The following LMBRD2 variants were observed in gnomAD, a reference collection of about 807,000 sequenced individuals.
LMBRD2 encodes LMBR1 domain containing 2, also known as G protein-coupled receptor-associated protein LMBRD2.
A neutral mutation model predicts 94.4 loss-of-function variants in LMBRD2; 55 were observed. That is an observed-to-expected ratio of 0.58 (90% CI 0.47 to 0.73). The LOEUF is 0.73. Among genes scored for constraint, LMBRD2 ranks in the 30% least tolerant of loss-of-function variants. LMBRD2 has a pLI of 0.00. For synonymous variants in LMBRD2, 246 were observed against 272.4 expected (o/e 0.90, Z 0.95); for missense variants, 640 against 831.9 (o/e 0.77, Z 2.84).
chr5:36,110,966 A>T (rs556525168), intron 14 of LMBRD2, among the ~76,000 whole-genome samples, 189 bp downstream of exon 14: 1 of 152,222 alleles, frequency 6.6e-6, no homozygotes, highest in African/African-American at 2.4e-5. Flanking sequence ...CCGATAAAAC[A>T]ATTATTCATG....
chr5:36,114,376 G>A (rs1400544553), intron 13 of LMBRD2, 48 bp downstream of exon 13: 1 of 1,524,492 alleles, frequency 6.6e-7, no homozygotes, highest in South Asian at 1.3e-5. Context: ...AAAGAGAAAG[G>A]ATATCCAGAT....
chr5:36,135,398 C>T (rs146365220), intron 6 of LMBRD2, among the ~76,000 whole-genome samples: 8 of 152,188 alleles, frequency 5.3e-5, no homozygotes, highest in Non-Finnish European at 8.8e-5. Context: ...GTTTGAGGAA[C>T]GAAAGTTGAG....
At chr5:36,147,779 A>G in intron 1 of LMBRD2, 1 of 301,176 alleles carries the variant, frequency 3.3e-6, no homozygotes, top group Non-Finnish European at 6.6e-6. Context: ...TAGTTTGAAG[A>G]ATTCCAAATG....
intron 4 of LMBRD2, among the ~76,000 whole-genome samples, chr5:36,137,733 T>G (rs931499977): frequency 6.6e-6 from 1 of 151,984 alleles, no homozygotes; most frequent in Non-Finnish European, 1.5e-5. Flanking sequence ...ACACGGAGAA[T>G]GGATAAAAGG....
At chr5:36,146,115 T>A (rs1309789736) in intron 1 of LMBRD2, among the ~76,000 whole-genome samples, 1 of 152,190 alleles carries the variant, frequency 6.6e-6, no homozygotes, top group African/African-American at 2.4e-5. Context: ...GAATTATGGA[T>A]CCTTTATTCT....
chr5:36,109,863 T>G, intron 15 of LMBRD2, 82 bp downstream of exon 15: 1 of 1,022,898 alleles, frequency 9.8e-7, no homozygotes, highest in Admixed American at 2.2e-5. Context: ...TGTCTTTAGC[T>G]AATTATTCCA....
intron 16 of LMBRD2, 30 bp downstream of exon 16, chr5:36,108,504 T>C: frequency 8.3e-7 from 1 of 1,198,866 alleles, no homozygotes; most frequent in South Asian, 1.4e-5. Flanking sequence ...GAAAACAATT[T>C]CCAAGTGAAC....
At chr5:36,127,785 T>C (rs1334843727) in intron 6 of LMBRD2, among the ~76,000 whole-genome samples, 1 of 152,126 alleles carries the variant, frequency 6.6e-6, no homozygotes, top group African/African-American at 2.4e-5. Context: ...AGGCCCTAGC[T>C]CCCAGATGGC....
At position 36,099,203 on chromosome 5, in the gene LMBRD2, G is replaced by T. The variant is rs531283575; in HGVS notation, c.*4843C>A. On this transcript the variant is annotated 3_prime_UTR_variant, in exon 18 of 18. Coordinates refer to ENST00000296603, the MANE Select transcript of LMBRD2 (RefSeq NM_001007527.2). The stretch of plus-strand genomic sequence containing the variant: ...AAATAGGTCTGGGCAGAACTTATTT[G>T]AGATAGATTTTAAAACTATTTAAAA... The T allele has an allele frequency of 1.3e-5, 2 of 152,146 alleles. No individual in the cohort carries two copies. Among genetic ancestry groups the T allele is most frequent in the East Asian group, 3.9e-4 (2 of 5,184 alleles). 9.4% of individuals were successfully genotyped at this position (152,146 alleles called of 1,614,324 possible).
rs554458613 is a variant in LMBRD2 at position 36,119,033 on chromosome 5, T to C, written c.1121-1117A>G. On this transcript the variant is annotated intron_variant, in intron 9 of 17. Coordinates refer to ENST00000296603, the MANE Select transcript of LMBRD2 (RefSeq NM_001007527.2). ...GTCTGAATTTAGGTATAAATAAAAA[T>C]TTAAAAAAGAAAGCTCAATAAATTA... 2.0e-5 allele frequency among the ~76,000 whole-genome samples: 3 copies of C among 152,258 alleles called. No individual in the cohort carries two copies. The East Asian group carries it at 5.8e-4, about 29-fold the overall frequency.
chr5:36,122,587 G>T, intron 8 of LMBRD2, 124 bp from the exon 9 acceptor site: 4 of 905,078 alleles, frequency 4.4e-6, no homozygotes, highest in Non-Finnish European at 6.7e-6. Context: ...ACTGGGTCAG[G>T]CTGAGAATAT....
At chr5:36,106,784 G>A (rs899890340) in intron 16 of LMBRD2, among the ~76,000 whole-genome samples, 11 of 151,894 alleles carry the variant, frequency 7.2e-5, no homozygotes, top group African/African-American at 2.2e-4. Flanking sequence ...ATAAGCCACC[G>A]CGCCTGGCCC....
intron 11 of LMBRD2, among the ~76,000 whole-genome samples, chr5:36,115,607 T>C (rs535399195): frequency 6.6e-6 from 1 of 152,222 alleles, no homozygotes; most frequent in East Asian, 1.9e-4. Flanking sequence ...TAATTGGGGC[T>C]GGGGAGAATA....
chr5:36,107,728 T>C (rs1743505435), intron 16 of LMBRD2, among the ~76,000 whole-genome samples: 1 of 152,226 alleles, frequency 6.6e-6, no homozygotes, highest in Admixed American at 6.5e-5. Context: ...GATATGGATA[T>C]GCCACAGAGG....
chr5:36,114,657 A>C, intron 12 of LMBRD2, 136 bp from the exon 13 acceptor site: 1 of 1,084,850 alleles, frequency 9.2e-7, no homozygotes, highest in Non-Finnish European at 1.2e-6. Flanking sequence ...AAAGCAGTAA[A>C]TGGACTTATT....
chr5:36,131,256 G>A lies in LMBRD2; in HGVS notation c.747+5053C>T, dbSNP rs188667048. Among the ~76,000 whole-genome samples, 22 of 152,206 alleles carry A rather than the reference G, an allele frequency of 1.4e-4. 1 individual carries two copies. Among genetic ancestry groups the A allele is most frequent in the Admixed American group, 1.3e-3 (20 of 15,280 alleles). ...AAGCCATATGAGCATTCCTATTGAT[G>A]CTGAGAAAGCATTGATAAAATTCGG... On this transcript the variant is annotated intron_variant, in intron 6 of 17. Coordinates refer to ENST00000296603, the MANE Select transcript of LMBRD2 (RefSeq NM_001007527.2).
chr5:36,148,097 G>T (rs1744595451), intron 1 of LMBRD2: 1 of 190,462 alleles, frequency 5.3e-6, no homozygotes, highest in South Asian at 8.5e-5. Flanking sequence ...AATTAGAAGT[G>T]AATGATTAAG....
intron 16 of LMBRD2, among the ~76,000 whole-genome samples, chr5:36,105,639 AGCACTAGCCAACATCG>A (rs1486784092): frequency 6.6e-6 from 1 of 152,240 alleles, no homozygotes; most frequent in African/African-American, 2.4e-5. Context: ...GAGTATGGGT[AGCACTAGCCAACATCG>A]GCACTAGCCG....
chr5:36,136,120 G>T (rs1744263526), intron 6 of LMBRD2, among the ~76,000 whole-genome samples, 189 bp downstream of exon 6: 1 of 152,178 alleles, frequency 6.6e-6, no homozygotes, highest in Non-Finnish European at 1.5e-5. Flanking sequence ...GACAGAAGAT[G>T]GACAAGACAC....
Sources: allele counts gnomAD v4.1 joint callset (sites outside exome capture counted in the v4.1 genomes callset), GRCh38; gene constraint gnomAD v4.1.1; transcripts MANE v1.5; gene names NCBI Gene and HGNC (gene_info 2026-07-23, HGNC 2026-07-21).